Variants in RASAL2 observed in about 807,000 individuals in gnomAD.
RASAL2 encodes RAS protein activator like 2.
RASAL2 carries 58 observed loss-of-function variants against 128.9 expected under a neutral mutation model. The ratio of observed to expected loss-of-function variants is 0.45; its 90% CI spans 0.36 to 0.56. RASAL2 has a LOEUF of 0.56. Among genes scored for constraint, RASAL2 ranks in the 20% least tolerant of loss-of-function variants. The pLI, the probability that RASAL2 is intolerant of heterozygous loss-of-function variation, is 0.00. For synonymous variants in RASAL2, 561 were observed against 580.8 expected (o/e 0.97, Z 0.49); for missense variants, 1,360 against 1,601.6 (o/e 0.85, Z 2.57).
At chr1:178,235,657 G>C in intron 1 of RASAL2, among the ~76,000 whole-genome samples, 1 of 152,034 alleles carries the variant, frequency 6.6e-6, no homozygotes, top group East Asian at 1.9e-4. Context: ...AGTGAGGGGG[G>C]ATTAAGCTCT....
chr1:178,208,414 T>G (rs773337842), intron 1 of RASAL2, among the ~76,000 whole-genome samples: 56 of 152,110 alleles, frequency 3.7e-4, no homozygotes, highest in Non-Finnish European at 7.8e-4. Context: ...CTTATGCAGT[T>G]GAGATAAGGA....
At chr1:178,248,045 G>A (rs1257732472) in intron 1 of RASAL2, among the ~76,000 whole-genome samples, 1 of 152,192 alleles carries the variant, frequency 6.6e-6, no homozygotes, top group African/African-American at 2.4e-5. Flanking sequence ...TGTATATTCT[G>A]TTGAGTTGGG....
intron 5 of RASAL2, among the ~76,000 whole-genome samples, chr1:178,422,399 A>G (rs891931906): frequency 6.6e-6 from 1 of 152,144 alleles, no homozygotes; most frequent in Non-Finnish European, 1.5e-5. Flanking sequence ...TCTTAAGTAC[A>G]GCACAATAAA....
chr1:178,153,458 A>ATAG (rs1330367152), intron 1 of RASAL2, among the ~76,000 whole-genome samples: 1 of 152,226 alleles, frequency 6.6e-6, no homozygotes, highest in African/African-American at 2.4e-5. Flanking sequence ...GTGCCTATTT[A>ATAG]TAGTAAGTCC....
chr1:178,182,447 G>A (rs946419852), intron 1 of RASAL2, among the ~76,000 whole-genome samples: 6 of 152,086 alleles, frequency 3.9e-5, no homozygotes, highest in African/African-American at 7.2e-5. Flanking sequence ...CTGGGGCATC[G>A]TTGCTTCTAG....
chr1:178,457,915 A>G lies in RASAL2; in HGVS notation c.2623A>G (p.Thr875Ala). The change falls in exon 14 of 18, where the codon ACC (threonine) becomes GCC (alanine). Residue 875 changes from threonine (T) to alanine (A), a missense_variant. This residue lies in a region of RASAL2 where 741 missense variants were observed against 868.6 expected (regional missense o/e 0.85). Transcript: ENST00000367649. Reference sequence around the variant, plus strand: ...CATGCTTGATGTGCCTATACGCTTGACCGGAAGCCAGCTTTCCATAACCCA... The same window carrying G: ...CATGCTTGATGTGCCTATACGCTTGGCCGGAAGCCAGCTTTCCATAACCCA... ...SVMLDVPIRLTGSQLSITQVA... is the reference protein window; with the variant it reads ...SVMLDVPIRLAGSQLSITQVA... The G allele has an allele frequency of 6.2e-7, 1 of 1,614,116 alleles. No homozygotes were observed. The highest frequency in any genetic ancestry group is 8.5e-7 in the Non-Finnish European group (1 of 1,180,016).
rs1390191559 is a variant in RASAL2 at position 178,164,954 on chromosome 1, T to C, written c.202+70260T>C. ...GAAAAAAACAATAAAAAGAAAACTT[T>C]ATAACACTAAAAAATAATACAAAGA... is the stretch of plus-strand genomic sequence containing the variant. On this transcript the variant is annotated intron_variant, in intron 1 of 17. Coordinates refer to ENST00000367649, the MANE Select transcript of RASAL2 (RefSeq NM_170692.4). Among the ~76,000 whole-genome samples the C allele has an allele frequency of 2.6e-5, 4 of 151,970 alleles. No individual in the cohort carries two copies. The East Asian group carries it at 7.7e-4, about 29-fold the overall frequency.
At chr1:178,278,233 G>C (rs1384090109) in intron 1 of RASAL2, among the ~76,000 whole-genome samples, 6 of 152,130 alleles carry the variant, frequency 3.9e-5, no homozygotes, top group Non-Finnish European at 8.8e-5. Flanking sequence ...CCCTTAGCTT[G>C]AGTTACTCCA....
intron 3 of RASAL2, among the ~76,000 whole-genome samples, chr1:178,323,153 T>C (rs1668875679): frequency 6.6e-6 from 1 of 152,208 alleles, no homozygotes; most frequent in African/African-American, 2.4e-5. Flanking sequence ...ACTTCTGATA[T>C]TTGGATGTAT....
chr1:178,135,250 G>A (rs571854578), intron 1 of RASAL2, among the ~76,000 whole-genome samples: 15 of 152,090 alleles, frequency 9.9e-5, no homozygotes, highest in Non-Finnish European at 1.6e-4. Context: ...AGGACCCTCA[G>A]TTCTTTAAGG....
chr1:178,427,380 T>G (rs557911905), intron 5 of RASAL2, among the ~76,000 whole-genome samples: 18 of 152,238 alleles, frequency 1.2e-4, no homozygotes, highest in Non-Finnish European at 2.1e-4. Flanking sequence ...GAGTAGAATA[T>G]TCTCACCCAC....
intron 1 of RASAL2, among the ~76,000 whole-genome samples, chr1:178,203,100 A>G (rs1397764589): frequency 6.6e-6 from 1 of 152,178 alleles, no homozygotes; most frequent in Non-Finnish European, 1.5e-5. Context: ...GTTTGTCCTC[A>G]CTGGAATAGA....
At chr1:178,383,245 TTGAG>T (rs1042868882) in intron 3 of RASAL2, among the ~76,000 whole-genome samples, 1 of 152,256 alleles carries the variant, frequency 6.6e-6, no homozygotes, top group African/African-American at 2.4e-5. Context: ...GACTACTTGT[TTGAG>T]TGAAGTACTG....
intron 1 of RASAL2, among the ~76,000 whole-genome samples, chr1:178,116,439 A>T (rs1178411092): frequency 2.0e-5 from 3 of 152,138 alleles, no homozygotes; most frequent in Admixed American, 6.6e-5. Context: ...ACATTGAGGT[A>T]TCTACAAACA....
intron 1 of RASAL2, among the ~76,000 whole-genome samples, chr1:178,276,209 G>A (rs969101798): frequency 1.3e-5 from 2 of 152,192 alleles, no homozygotes. Flanking sequence ...CACAGGTACT[G>A]TGTGTTGGGT....
At chr1:178,285,168 T>C (rs1303654265) in intron 2 of RASAL2, among the ~76,000 whole-genome samples, 1 of 140,466 alleles carries the variant, frequency 7.1e-6, no homozygotes, top group Non-Finnish European at 1.5e-5. Flanking sequence ...GGCCGGACTG[T>C]GGACTGCAGT....
At chr1:178,455,162 T>C (rs1677675004) in intron 12 of RASAL2, among the ~76,000 whole-genome samples, 1 of 152,150 alleles carries the variant, frequency 6.6e-6, no homozygotes, top group South Asian at 2.1e-4. Context: ...GAATTAAGAA[T>C]ACAGAAAGCA....
intron 4 of RASAL2, among the ~76,000 whole-genome samples, chr1:178,415,323 A>G (rs1274819650): frequency 6.6e-6 from 1 of 151,888 alleles, no homozygotes; most frequent in Admixed American, 6.6e-5. Flanking sequence ...TTCTTCTTTG[A>G]TCCATGTGTT....
At chr1:178,226,644 A>T (rs1663798288) in intron 1 of RASAL2, among the ~76,000 whole-genome samples, 1 of 152,154 alleles carries the variant, frequency 6.6e-6, no homozygotes, top group South Asian at 2.1e-4. Flanking sequence ...TTACTAACTG[A>T]ATACAGAAAA....
Sources: gnomAD v4.1 joint callset for allele counts (sites outside exome capture counted in the v4.1 genomes callset) on GRCh38, gnomAD v4.1.1 for gene constraint, gnomAD v4.1.1 regional missense constraint, MANE v1.5 for transcripts, NCBI Gene and HGNC (gene_info 2026-07-23, HGNC 2026-07-21) for gene names.